The following DLC1 variants were observed in gnomAD, a reference collection of about 807,000 sequenced individuals.
DLC1 encodes rho GTPase-activating protein 7.
DLC1 carries 54 observed loss-of-function variants against 140.3 expected under a neutral mutation model. The observed-to-expected ratio is 0.38, with a 90% CI of 0.31 to 0.48. DLC1 has a LOEUF of 0.48. Among genes scored for constraint, DLC1 ranks in the 20% least tolerant of loss-of-function variants. The pLI is 0.96. For missense variants in DLC1, 2,536 were observed against 1,907.0 expected (o/e 1.33, Z -6.14); for synonymous variants, 986 against 728.1 (o/e 1.35, Z -5.70).
At chr8:13,493,626 A>G (rs190127780) in intron 2 of DLC1, among the ~76,000 whole-genome samples, 1 of 152,316 alleles carries the variant, frequency 6.6e-6, no homozygotes, top group African/African-American at 2.4e-5. Flanking sequence ...TATAGTTACA[A>G]TACTTGTTAT....
intron 5 of DLC1, among the ~76,000 whole-genome samples, chr8:13,173,984 A>G (rs757231729): frequency 2.0e-5 from 3 of 152,086 alleles, no homozygotes; most frequent in Non-Finnish European, 4.4e-5. Context: ...ATAGTATCCA[A>G]TAGGTCATTT....
At chr8:13,574,529 T>G (rs148719717) in intron 1 of DLC1, among the ~76,000 whole-genome samples, 1,708 of 152,240 alleles carry the variant, frequency 0.011, 15 homozygotes, top group Middle Eastern at 0.024. Context: ...AAGCCACATA[T>G]TTTCCTAATT....
At chr8:13,143,845 A>T (rs750960953) in intron 5 of DLC1, among the ~76,000 whole-genome samples, 5,145 of 151,564 alleles carry the variant, frequency 0.034, 111 homozygotes, top group Middle Eastern at 0.041. Flanking sequence ...AGAGAGAGAG[A>T]GAGAGAGACA....
intron 1 of DLC1, among the ~76,000 whole-genome samples, chr8:13,573,465 C>G (rs141723623): frequency 1.3e-5 from 2 of 152,226 alleles, no homozygotes; most frequent in Non-Finnish European, 2.9e-5. Context: ...TGCATAATTG[C>G]TATGGCTATC....
At chr8:13,302,442 G>C (rs1832240067) in intron 5 of DLC1, among the ~76,000 whole-genome samples, 1 of 152,142 alleles carries the variant, frequency 6.6e-6, no homozygotes, top group African/African-American at 2.4e-5. Context: ...GTCATCACAG[G>C]GCAGGAGACA....
intron 4 of DLC1, among the ~76,000 whole-genome samples, chr8:13,347,353 C>T (rs1834392216): frequency 6.6e-6 from 1 of 152,116 alleles, no homozygotes; most frequent in African/African-American, 2.4e-5. Flanking sequence ...TTCTGAGGGC[C>T]ACCTGACACA....
At chr8:13,176,916 T>C (rs934307609) in intron 5 of DLC1, among the ~76,000 whole-genome samples, 48 of 152,056 alleles carry the variant, frequency 3.2e-4, no homozygotes, top group Non-Finnish European at 7.4e-5. Flanking sequence ...GGTTTGAAGA[T>C]GGAGGTGAGC....
intron 2 of DLC1, among the ~76,000 whole-genome samples, chr8:13,408,806 T>C (rs1298284163): frequency 1.3e-5 from 2 of 152,178 alleles, no homozygotes; most frequent in Non-Finnish European, 2.9e-5. Flanking sequence ...ATTTTTATTT[T>C]TTACAATACT....
intron 5 of DLC1, among the ~76,000 whole-genome samples, chr8:13,279,388 A>C (rs1831283874): frequency 6.6e-6 from 1 of 152,216 alleles, no homozygotes; most frequent in South Asian, 2.1e-4. Context: ...ACACCTGCCT[A>C]TTCCTAGTGC....
At chr8:13,209,283 T>C (rs1310701655) in intron 5 of DLC1, among the ~76,000 whole-genome samples, 3 of 152,162 alleles carry the variant, frequency 2.0e-5, no homozygotes, top group African/African-American at 7.2e-5. Context: ...CTCAAGATTT[T>C]TGAGAGTCCA....
chr8:13,451,195 A>C (rs1799040031), intron 2 of DLC1, among the ~76,000 whole-genome samples: 1 of 152,090 alleles, frequency 6.6e-6, no homozygotes. Context: ...ACCACATTAA[A>C]GTCATTTATT....
At chr8:13,532,760 G>T (rs1456014976) in intron 1 of DLC1, among the ~76,000 whole-genome samples, 4 of 152,102 alleles carry the variant, frequency 2.6e-5, no homozygotes, top group African/African-American at 9.7e-5. Context: ...AAAGCACAAA[G>T]CTCTTAACCA....
chr8:13,387,622 G>A (rs1836580550), intron 4 of DLC1, among the ~76,000 whole-genome samples: 7 of 151,850 alleles, frequency 4.6e-5, no homozygotes, highest in Admixed American at 4.6e-4. Flanking sequence ...AATTACTAAG[G>A]GAAAACCTTG....
At chr8:13,130,403 T>C (rs1450140182) in intron 5 of DLC1, among the ~76,000 whole-genome samples, 5 of 152,206 alleles carry the variant, frequency 3.3e-5, no homozygotes, top group Non-Finnish European at 5.9e-5. Context: ...TTTCTACTGG[T>C]CTGGTATATT....
intron 4 of DLC1, among the ~76,000 whole-genome samples, chr8:13,364,461 G>C (rs1323509411): frequency 2.0e-5 from 3 of 152,108 alleles, no homozygotes; most frequent in African/African-American, 7.2e-5. Flanking sequence ...ACCACGCCAG[G>C]CTAATTTTGT....
chr8:13,396,292 C>T (rs530769167), intron 3 of DLC1, among the ~76,000 whole-genome samples: 1 of 152,172 alleles, frequency 6.6e-6, no homozygotes, highest in South Asian at 2.1e-4. Flanking sequence ...ATCTCCTGAC[C>T]TCGTGATCCG....
chr8:13,190,021 T>G lies in DLC1; in HGVS notation c.1349-74364A>C, dbSNP rs1481976431. Among the ~76,000 whole-genome samples the G allele has an allele frequency of 2.0e-5, 3 of 152,150 alleles. No homozygotes were observed. The East Asian group carries it at 5.8e-4, about 29-fold the overall frequency. The stretch of plus-strand genomic sequence containing the variant: ...CATATGATGAAGCCATCATTGTAAT[T>G]TAAAATTTTCCAGTAGCCGCTGCAA... On this transcript the variant is annotated intron_variant, in intron 5 of 17. Transcript: ENST00000276297.
intron 4 of DLC1, among the ~76,000 whole-genome samples, chr8:13,320,924 C>A (rs1246378798): frequency 6.6e-6 from 1 of 152,122 alleles, no homozygotes; most frequent in East Asian, 1.9e-4. Flanking sequence ...CCTCTCAAGC[C>A]ATGTGATTGC....
At chr8:13,092,578 C>T (rs763099740) in intron 13 of DLC1, 34 bp downstream of exon 13, 4 of 1,586,728 alleles carry the variant, frequency 2.5e-6, no homozygotes, top group Non-Finnish European at 3.4e-6. Context: ...GTAGGCTGCC[C>T]CCTGTGTGCA....
Sources: gnomAD v4.1 joint callset for allele counts (sites outside exome capture counted in the v4.1 genomes callset) on GRCh38, gnomAD v4.1.1 for gene constraint, MANE v1.5 for transcripts, NCBI Gene and HGNC (gene_info 2026-07-23, HGNC 2026-07-21) for gene names.